Variants in ZPBP2 observed in about 807,000 individuals in gnomAD.
ZPBP2 encodes the protein zona pellucida-binding protein 2.
Under a neutral mutation model 37.5 loss-of-function variants are expected in ZPBP2, and 34 were observed. The observed-to-expected ratio is 0.91, with a 90% CI of 0.69 to 1.21. The LOEUF is 1.21. Ranked by LOEUF, ZPBP2 falls within the 50% of genes most tolerant of loss-of-function variation. ZPBP2 has a pLI of 0.00. For synonymous variants in ZPBP2, 143 were observed against 138.4 expected (o/e 1.03, Z -0.23); for missense variants, 397 against 413.5 (o/e 0.96, Z 0.35).
chr17:39,870,479 T>A (rs2063359564), intron 2 of ZPBP2, among the ~76,000 whole-genome samples: 1 of 152,166 alleles, frequency 6.6e-6, no homozygotes, highest in East Asian at 1.9e-4. Flanking sequence ...TGGAAAAATA[T>A]CATGACTCGT....
At chr17:39,868,678 A>C in intron 2 of ZPBP2, 64 bp downstream of exon 2, 3 of 1,587,528 alleles carry the variant, frequency 1.9e-6, no homozygotes, top group Non-Finnish European at 2.6e-6. Flanking sequence ...CTCTTCCCGG[A>C]AGAGCTTCCT....
chr17:39,873,981 C>CTT lies in ZPBP2; in HGVS notation c.708+875_708+876dup, dbSNP rs1037217858. 8.1e-3 allele frequency among the ~76,000 whole-genome samples: 952 copies of CTT among 117,274 alleles called. 9 individuals carry two copies. The highest frequency in any genetic ancestry group is 0.064 in the Middle Eastern group (13 of 204). The allele number at this position is 117,274 out of a possible 152,430, so 76.9% of individuals were successfully genotyped here. ...TTTATAATGCTGATTAAAGAAAAGT[C>CTT]TTTTTTTTTTTTTTTTTTTTTGAGA... On this transcript the variant is annotated intron_variant, in intron 6 of 7. Coordinates refer to ENST00000348931, the MANE Select transcript of ZPBP2 (RefSeq NM_199321.3).
Position 39,868,614 on chromosome 17 carries a change from G to A in ZPBP2, c.118G>A (p.Asp40Asn). The A allele has an allele frequency of 6.2e-7, 1 of 1,614,200 alleles. No homozygotes were observed. Among genetic ancestry groups the A allele is most frequent in the East Asian group, 2.2e-5 (1 of 44,880 alleles). The change falls in exon 2 of 8, where the codon GAC becomes AAC. Residue 40 changes from aspartate to asparagine, a missense_variant and splice_region_variant. By Grantham distance (23) the Asp-to-Asn change is conservative. Transcript: ENST00000348931. ...CATTTATGGCAAGACAGGACAGCCA[G>A]GTAATAAGGGCCTCTGCACACGCGG... ...GFIYGKTGQP[D>N]KIYVELHQNS...
At chr17:39,871,963 T>G (rs2063366701) in intron 4 of ZPBP2, among the ~76,000 whole-genome samples, 1 of 152,162 alleles carries the variant, frequency 6.6e-6, no homozygotes, top group African/African-American at 2.4e-5. Flanking sequence ...AATGACAATT[T>G]CTGTGAATTA....
chr17:39,872,169 T>G (rs2063367603), intron 4 of ZPBP2, 101 bp from the exon 5 acceptor site: 2 of 828,208 alleles, frequency 2.4e-6, no homozygotes, highest in Non-Finnish European at 3.7e-6. Context: ...ACTGCAAGAT[T>G]GATGGGATTT....
chr17:39,873,260 T>A, intron 6 of ZPBP2, 134 bp downstream of exon 6: 1 of 598,706 alleles, frequency 1.7e-6, no homozygotes, highest in East Asian at 3.4e-5. Flanking sequence ...GTGATCTTCC[T>A]CCCTCAGCCA....
chr17:39,875,414 G>A lies in ZPBP2; in HGVS notation c.869G>A (p.Ser290Asn), dbSNP rs2063384975. ...TTTGGAAAAAATGAACGTCTACACA[G>A]TAATTGCGCTAGCTGTTGTGGTAAC... is the stretch of plus-strand genomic sequence containing the variant. ...PGFGKNERLH[S>N]NCASCCVVCS... Residue 290 changes from serine (S) to asparagine (N), a missense_variant, in exon 7 of 8, where the codon AGT becomes AAT. Physicochemically the swap from Ser to Asn is conservative, Grantham distance 46 (BLOSUM62 1). Coordinates refer to ENST00000348931, the MANE Select transcript of ZPBP2 (RefSeq NM_199321.3). 1 of 1,607,476 alleles carries A rather than the reference G, an allele frequency of 6.2e-7. No individual in the cohort carries two copies. The highest frequency in any genetic ancestry group is 8.5e-7 in the Non-Finnish European group (1 of 1,177,998).
In ZPBP2 at chr17:39,875,393, G is replaced by A. The variant is rs750821128; in HGVS notation, c.848G>A (p.Gly283Glu). The A allele has an allele frequency of 6.2e-7, 1 of 1,611,974 alleles. No individual in the cohort carries two copies. The highest frequency in any genetic ancestry group is 1.1e-5 in the South Asian group (1 of 90,554). Residue 283 changes from glycine (G) to glutamate (E), a missense_variant, in exon 7 of 8, where the codon GGA (glycine) becomes GAA (glutamate). Gly to Glu is a moderately conservative substitution (Grantham distance 98). Coordinates refer to ENST00000348931, the MANE Select transcript of ZPBP2 (RefSeq NM_199321.3). ...CTGGATAGCTGTCGACCAGGCTTTG[G>A]AAAAAATGAACGTCTACACAGTAAT... The part of the protein sequence containing the change: ...VRLDSCRPGF[G>E]KNERLHSNCA...
intron 4 of ZPBP2, 107 bp from the exon 5 acceptor site, chr17:39,872,163 C>A: frequency 1.3e-6 from 1 of 789,024 alleles, no homozygotes; most frequent in Non-Finnish European, 1.9e-6. Context: ...ATGCTGACTG[C>A]AAGATTGATG....
At chr17:39,871,830 A>G (rs931088688) in intron 4 of ZPBP2, among the ~76,000 whole-genome samples, 1 of 152,130 alleles carries the variant, frequency 6.6e-6, no homozygotes, top group African/African-American at 2.4e-5. Flanking sequence ...TCAGCTCCCT[A>G]CTTGCCTCTA....
rs2063394862 is a variant in ZPBP2 at position 39,877,295 on chromosome 17, G to A, written c.*486G>A. On this transcript the variant is annotated 3_prime_UTR_variant, in exon 8 of 8. Coordinates refer to ENST00000348931, the MANE Select transcript of ZPBP2 (RefSeq NM_199321.3). Reference sequence around the variant, plus strand: ...CTGTATTTTTTAAAGTATAGGTTTAGGTTTACAGAATAATAGAGCAGATAA... The same window carrying A: ...CTGTATTTTTTAAAGTATAGGTTTAAGTTTACAGAATAATAGAGCAGATAA... The A allele has an allele frequency of 6.5e-6, 1 of 153,048 alleles. No individual in the cohort carries two copies. Among genetic ancestry groups the A allele is most frequent in the African/African-American group, 2.4e-5 (1 of 41,366 alleles). 9.5% of individuals were successfully genotyped at this position (153,048 alleles called of 1,614,324 possible). A position where few individuals can be genotyped will look rare whatever the true frequency, so the allele number is the denominator to read the frequency against.
chr17:39,876,527 C>A (rs1170581577), intron 7 of ZPBP2, among the ~76,000 whole-genome samples, 155 bp from the exon 8 acceptor site: 1 of 152,064 alleles, frequency 6.6e-6, no homozygotes, highest in Non-Finnish European at 1.5e-5. Context: ...TAATCTTCCA[C>A]AACTTAAATG....
intron 2 of ZPBP2, among the ~76,000 whole-genome samples, chr17:39,869,375 ATCTT>A (rs986290716): frequency 7.4e-5 from 9 of 120,970 alleles, no homozygotes; most frequent in South Asian, 2.9e-4. Flanking sequence ...ATGATCATCT[ATCTT>A]TCTTTCTTTC....
chr17:39,869,854 A>G lies in ZPBP2; in HGVS notation c.119-840A>G, dbSNP rs1340263075. On this transcript the variant is annotated intron_variant, in intron 2 of 7. Coordinates refer to ENST00000348931, the MANE Select transcript of ZPBP2 (RefSeq NM_199321.3). ...CAGCCTCCCAAGTGGCTGGGATTAC[A>G]GGGGCCCACCACCATGCCTGGCAAA... is the stretch of plus-strand genomic sequence containing the variant. 3.3e-5 allele frequency among the ~76,000 whole-genome samples: 5 copies of G among 151,484 alleles called. No homozygotes were observed. In the East Asian group the frequency reaches 9.7e-4, roughly 30 times the overall value.
chr17:39,870,884 C>G (rs558346263), intron 3 of ZPBP2, 65 bp downstream of exon 3: 1 of 1,268,728 alleles, frequency 7.9e-7, no homozygotes, highest in Non-Finnish European at 1.0e-6. Context: ...ATCACTGTTA[C>G]TTATTGGAAA....
At chr17:39,873,737 T>TG (rs2063375946) in intron 6 of ZPBP2, among the ~76,000 whole-genome samples, 2 of 152,130 alleles carry the variant, frequency 1.3e-5, no homozygotes, top group Admixed American at 1.3e-4. Context: ...GTTAAGCCAA[T>TG]GGTGCTTCCA....
At chr17:39,869,550 G>T (rs2063352365) in intron 2 of ZPBP2, among the ~76,000 whole-genome samples, 2 of 149,550 alleles carry the variant, frequency 1.3e-5, no homozygotes, top group Admixed American at 1.3e-4. Flanking sequence ...GATTACAGGC[G>T]TGCGCCACCA....
chr17:39,871,403 A>C (rs2063363872), intron 3 of ZPBP2, 61 bp from the exon 4 acceptor site: 1 of 1,202,746 alleles, frequency 8.3e-7, no homozygotes, highest in South Asian at 1.9e-5. Flanking sequence ...TGTAACTCCA[A>C]GTGTACTAAA....
In ZPBP2 at chr17:39,875,310, C is replaced by A. The variant is rs770713899; in HGVS notation, c.765C>A (p.Asn255Lys). Residue 255 changes from asparagine to lysine, a missense_variant, in exon 7 of 8, where the codon AAC becomes AAA. By Grantham distance (94) the Asn-to-Lys change is moderately conservative. Transcript: ENST00000348931. ...GCCAAGCATATATTTTCTACCATAACTTTAATAAAACTCTACCAGCAATGC... is the reference window on the plus strand; with the variant it reads ...GCCAAGCATATATTTTCTACCATAAATTTAATAAAACTCTACCAGCAATGC... ...FRSQAYIFYH[N>K]FNKTLPAMHF... 6.2e-7 allele frequency: 1 copy of A among 1,613,978 alleles called. No individual in the cohort carries two copies. The highest frequency in any genetic ancestry group is 8.5e-7 in the Non-Finnish European group (1 of 1,179,970).
Sources: gnomAD v4.1 joint callset for allele counts (sites outside exome capture counted in the v4.1 genomes callset) on GRCh38, gnomAD v4.1.1 for gene constraint, MANE v1.5 for transcripts, NCBI Gene and HGNC (gene_info 2026-07-23, HGNC 2026-07-21) for gene names.